PATZ1: variants seen among roughly 807,000 people sequenced by gnomAD.
The protein encoded by PATZ1 is POZ-, AT hook-, and zinc finger-containing protein 1.
Under a neutral mutation model 46.2 loss-of-function variants are expected in PATZ1, and 9 were observed. The ratio of observed to expected loss-of-function variants is 0.19; its 90% CI spans 0.12 to 0.34. The LOEUF (loss-of-function observed/expected upper bound fraction) is 0.34. Among genes scored for constraint, PATZ1 ranks in the 10% least tolerant of loss-of-function variants. The probability of loss-of-function intolerance (pLI) is 1.00; values close to 1 mark genes in which losing one functional copy is unlikely to be tolerated. For synonymous variants in PATZ1, 426 were observed against 378.6 expected (o/e 1.13, Z -1.45); for missense variants, 632 against 923.0 (o/e 0.68, Z 4.08).
chr22:31,336,504 G>C (rs1285677000), intron 2 of PATZ1, among the ~76,000 whole-genome samples: 1 of 152,048 alleles, frequency 6.6e-6, no homozygotes, highest in Non-Finnish European at 1.5e-5. Flanking sequence ...AAGGGCCAGA[G>C]GCTTCAAAAG....
intron 2 of PATZ1, among the ~76,000 whole-genome samples, chr22:31,339,304 G>A (rs1422539866): frequency 2.0e-5 from 3 of 152,166 alleles, no homozygotes; most frequent in African/African-American, 4.8e-5. Flanking sequence ...CATGACAAAC[G>A]CTTTCCCTGT....
At chr22:31,340,075 G>A (rs896414348) in intron 2 of PATZ1, among the ~76,000 whole-genome samples, 2 of 152,140 alleles carry the variant, frequency 1.3e-5, no homozygotes, top group African/African-American at 4.8e-5. Context: ...AGCTAGGGAG[G>A]TCTGAGCTGC....
chr22:31,345,105 G>A lies in PATZ1; in HGVS notation c.498C>T (p.Pro166=), dbSNP rs768187618. The change falls in exon 1 of 5, where the codon CCC becomes CCT. Residue 166 remains proline (P), a synonymous_variant. Coordinates refer to ENST00000266269, the MANE Select transcript of PATZ1 (RefSeq NM_014323.3). The surrounding 1 kb of genome is among the most constrained non-coding windows in gnomAD (Gnocchi z 7.4). ...AGAGCATTATATCGGCGCGGGCAGGGGGTACCAGGATCTGTACGTTGGACT... is the reference window on the plus strand; with the variant it reads ...AGAGCATTATATCGGCGCGGGCAGGAGGTACCAGGATCTGTACGTTGGACT... ...IKQSNVQILV[P]PARADIMLFR... 2 of 1,614,072 alleles carry A rather than the reference G, an allele frequency of 1.2e-6. No individual in the cohort carries two copies. The highest frequency in any genetic ancestry group is 2.7e-5 in the African/African-American group (2 of 74,924).
chr22:31,329,323 G>A (rs1006942008), intron 3 of PATZ1, among the ~76,000 whole-genome samples: 2 of 152,174 alleles, frequency 1.3e-5, no homozygotes, highest in Non-Finnish European at 2.9e-5. Context: ...AAGAATTTGA[G>A]GCTCCAGGGA....
intron 3 of PATZ1, among the ~76,000 whole-genome samples, chr22:31,333,479 T>A (rs1376123289): frequency 7.2e-6 from 1 of 138,090 alleles, no homozygotes; most frequent in Non-Finnish European, 1.6e-5. Flanking sequence ...CCTCTTCCTT[T>A]TTTTTTTTTT....
intron 2 of PATZ1, chr22:31,341,674 C>A: frequency 6.2e-7 from 1 of 1,608,488 alleles, no homozygotes; most frequent in Non-Finnish European, 8.5e-7. Context: ...CTGCTGCTCC[C>A]AACCCACACC....
Position 31,344,361 on chromosome 22 carries a change from G to A in PATZ1, c.1242C>T (p.Ile414=). The A allele has an allele frequency of 6.2e-7, 1 of 1,612,772 alleles. No homozygotes were observed. Among genetic ancestry groups the A allele is most frequent in the African/African-American group, 1.3e-5 (1 of 75,016 alleles). ...SHDGSVGKPY[I]CQSCGKGFSR... ...AGAAGCCTTTCCCACAGCTCTGGCA[G>A]ATGTAAGGCTTGCCCACGGACCCAT... is the stretch of plus-strand genomic sequence containing the variant. Residue 414 remains isoleucine, a synonymous_variant, in exon 1 of 5, where the codon ATC becomes ATT. Coordinates refer to ENST00000266269, the MANE Select transcript of PATZ1 (RefSeq NM_014323.3).
intron 2 of PATZ1, chr22:31,341,618 C>T: frequency 1.2e-6 from 2 of 1,614,124 alleles, no homozygotes; most frequent in Non-Finnish European, 1.7e-6. Flanking sequence ...GGGCAAAGTC[C>T]CATGATGGCA....
chr22:31,335,783 C>T lies in PATZ1; in HGVS notation c.1416G>A (p.Val472=), dbSNP rs1405780187. ...ATGCTGCCCGCAAGTACTTCCCACA[C>T]ACCTGGCAGGGCACCTTGTCTTCAT... The part of the protein sequence containing the change: ...ACHEDKVPCQ[V]CGKYLRAAYM... The change falls in exon 3 of 5, where the codon GTG becomes GTA. Residue 472 remains valine (V), a synonymous_variant. Coordinates refer to ENST00000266269, the MANE Select transcript of PATZ1 (RefSeq NM_014323.3). 1 of 1,614,156 alleles carries T rather than the reference C, an allele frequency of 6.2e-7. No homozygotes were observed. Among genetic ancestry groups the T allele is most frequent in the Non-Finnish European group, 8.5e-7 (1 of 1,180,022 alleles).
At chr22:31,337,503 G>A (rs1430142361) in intron 2 of PATZ1, among the ~76,000 whole-genome samples, 1 of 152,196 alleles carries the variant, frequency 6.6e-6, no homozygotes, top group Non-Finnish European at 1.5e-5. Context: ...CTCAGCTGGA[G>A]CTTACAAAGG....
chr22:31,335,725 C>T lies in PATZ1; in HGVS notation c.1474G>A (p.Gly492Arg). The change falls in exon 3 of 5, where the codon GGG becomes AGG. Residue 492 changes from glycine (G) to arginine (R), a missense_variant. Physicochemically the swap from Gly to Arg is moderately radical, Grantham distance 125. This residue lies in a region of PATZ1 where 176 missense variants were observed against 249.4 expected (regional missense o/e 0.71). Coordinates refer to ENST00000266269, the MANE Select transcript of PATZ1 (RefSeq NM_014323.3). ...MADHLKKHSE[G>R]PSNFCSICNR... ...CAGATACTGCAGAAGTTGCTGGGCC[C>T]CTCGCTGTGCTTCTTCAGGTGGTCT... is the stretch of plus-strand genomic sequence containing the variant. 1 of 1,614,092 alleles carries T rather than the reference C, an allele frequency of 6.2e-7. No individual in the cohort carries two copies. Among genetic ancestry groups the T allele is most frequent in the Non-Finnish European group, 8.5e-7 (1 of 1,180,002 alleles).
intron 2 of PATZ1, chr22:31,341,185 A>T: frequency 8.0e-7 from 1 of 1,242,940 alleles, no homozygotes; most frequent in Non-Finnish European, 1.0e-6. Context: ...AAGGCAAGAG[A>T]GCCCAGAAAG....
At chr22:31,339,569 AC>A (rs1211451362) in intron 2 of PATZ1, among the ~76,000 whole-genome samples, 3 of 152,212 alleles carry the variant, frequency 2.0e-5, no homozygotes, top group African/African-American at 4.8e-5. Context: ...TGTCCTAGAG[AC>A]AGGGAGAAGA....
Position 31,345,087 on chromosome 22 carries a change from T to C in PATZ1, c.516A>G (p.Ile172Met), listed in dbSNP as rs1184981383. ...QILVPPARAD[I>M]MLFRPPGTSD... ...AGGTCCCAGGGGGGCGAAAGAGCATTATATCGGCGCGGGCAGGGGGTACCA... is the reference window on the plus strand; with the variant it reads ...AGGTCCCAGGGGGGCGAAAGAGCATCATATCGGCGCGGGCAGGGGGTACCA... The change falls in exon 1 of 5, where the codon ATA becomes ATG. Residue 172 changes from isoleucine (I) to methionine (M), a missense_variant. Ile to Met is a conservative substitution (Grantham distance 10). Transcript: ENST00000266269. This position sits in a 1 kb window ranked among gnomAD's most constrained non-coding sequence, Gnocchi z 7.4. The C allele has an allele frequency of 3.7e-6, 6 of 1,614,026 alleles. No homozygotes were observed. Among genetic ancestry groups the C allele is most frequent in the Non-Finnish European group, 1.7e-6 (2 of 1,180,030 alleles).
chr22:31,329,630 C>T (rs1006503676), intron 3 of PATZ1, among the ~76,000 whole-genome samples: 16 of 152,160 alleles, frequency 1.1e-4, no homozygotes, highest in African/African-American at 3.6e-4. Flanking sequence ...ACCAGGTTCG[C>T]GTACAGGAGA....
In PATZ1 at chr22:31,344,627, G is replaced by C. The variant is rs1368220608; in HGVS notation, c.976C>G (p.Leu326Val). ...TTCTCACCCAGCCTCGGAGGAGGAA[G>C]GTCGATGTAGCCCAGCTGGAGGCTG... ...VTSLQLGYID[L>V]PPPRLGENGL... is the part of the protein sequence containing the mutation. The change falls in exon 1 of 5, where the codon CTT becomes GTT. Residue 326 changes from leucine (L) to valine (V), a missense_variant. Physicochemically the swap from Leu to Val is conservative, Grantham distance 32. Transcript: ENST00000266269. 3 of 1,614,116 alleles carry C rather than the reference G, an allele frequency of 1.9e-6. No individual in the cohort carries two copies. In the South Asian group the frequency reaches 3.3e-5, roughly 18 times the overall value.
intron 3 of PATZ1, among the ~76,000 whole-genome samples, chr22:31,330,267 C>T (rs907166019): frequency 6.6e-5 from 10 of 151,102 alleles, no homozygotes; most frequent in African/African-American, 9.7e-5. Context: ...CTTTGTGCTA[C>T]AGATTACTAT....
intron 3 of PATZ1, among the ~76,000 whole-genome samples, chr22:31,333,792 T>C (rs965749670): frequency 1.1e-4 from 17 of 152,238 alleles, no homozygotes; most frequent in African/African-American, 4.1e-4. Context: ...CCAAGTTCTC[T>C]TTACTAGCCC....
intron 3 of PATZ1, among the ~76,000 whole-genome samples, chr22:31,330,053 G>C (rs2049419980): frequency 6.6e-6 from 1 of 152,204 alleles, no homozygotes; most frequent in Admixed American, 6.5e-5. Context: ...GGATAACAGT[G>C]AGATCCACTG....
Sources: gnomAD v4.1 joint callset for allele counts (sites outside exome capture counted in the v4.1 genomes callset) on GRCh38, gnomAD v4.1.1 for gene constraint, gnomAD v4.1.1 regional missense constraint, Gnocchi (gnomAD v3.1) non-coding constraint, MANE v1.5 for transcripts, NCBI Gene and HGNC (gene_info 2026-07-23, HGNC 2026-07-21) for gene names.